PEX2: variants seen among roughly 807,000 people sequenced by gnomAD.
PEX2 encodes the protein peroxisome biogenesis factor 2.
PEX2 carries 19 observed loss-of-function variants against 25.2 expected under a neutral mutation model. That is an observed-to-expected ratio of 0.75 (90% CI 0.53 to 1.10). The LOEUF (loss-of-function observed/expected upper bound fraction) is 1.10, where lower values mean the gene tolerates loss of function less well. Among genes scored for constraint, PEX2 ranks in the 50% least tolerant of loss-of-function variants. The pLI is 0.00. For missense variants in PEX2, 347 were observed against 350.6 expected, an observed-to-expected ratio of 0.99 and a Z score of 0.08; for synonymous variants, 141 against 127.7, an observed-to-expected ratio of 1.10 and a Z score of -0.70.
At chr8:76,994,575 T>C (rs934624638) in intron 1 of PEX2, among the ~76,000 whole-genome samples, 1 of 152,094 alleles carries the variant, frequency 6.6e-6, no homozygotes. Context: ...TTAGGCATAT[T>C]TGTCAATGCA....
At chr8:77,000,134 TG>T (rs1807461728), upstream of PEX2, 13 of 334,020 alleles carry the variant, frequency 3.9e-5, no homozygotes, top group South Asian at 2.7e-4. Flanking sequence ...CGGAAGTGGC[TG>T]AAAAAAAAAA....
Position 76,984,198 on chromosome 8 carries a change from A to T in PEX2, c.-17-3T>A. The T allele has an allele frequency of 1.2e-6, 2 of 1,612,218 alleles. No individual in the cohort carries two copies. Among genetic ancestry groups the T allele is most frequent in the African/African-American group, 2.7e-5 (2 of 75,000 alleles). On this transcript the variant is annotated splice_polypyrimidine_tract_variant and splice_region_variant and intron_variant, in intron 3 of 3. Coordinates refer to ENST00000357039, the MANE Select transcript of PEX2 (RefSeq NM_000318.3). ...AGCCATGTCTTCTCTGAAGGTCTCT[A>T]GGAAAAAATACAATTGAAGAACATT...
At position 76,983,558 on chromosome 8, in the gene PEX2, G is replaced by C. The variant is rs1364915907; in HGVS notation, c.621C>G (p.Leu207=). 6.2e-6 allele frequency: 10 copies of C among 1,613,920 alleles called. No individual in the cohort carries two copies. The Admixed American group carries it at 1.0e-4, about 16-fold the overall frequency. ...ACTTCTGGACATTGATAAGTGGTAAGAGAAAAATCAGAAATTCAGCAAAAC... is the reference window on the plus strand; with the variant it reads ...ACTTCTGGACATTGATAAGTGGTAACAGAAAAATCAGAAATTCAGCAAAAC... ...WHGFAEFLIF[L]LPLINVQKLK... is the part of the protein sequence containing the mutation. The change falls in exon 4 of 4, where the codon CTC becomes CTG. Residue 207 remains leucine, a synonymous_variant. Transcript: ENST00000357039.
chr8:76,996,588 AAAT>A (rs1807340685), intron 1 of PEX2, among the ~76,000 whole-genome samples: 1 of 152,214 alleles, frequency 6.6e-6, no homozygotes, highest in Non-Finnish European at 1.5e-5. Context: ...AATACTCTAT[AAAT>A]AATTTAAAAA....
upstream of PEX2, among the ~76,000 whole-genome samples, chr8:77,000,437 C>G (rs938919430): frequency 1.3e-5 from 2 of 151,824 alleles, no homozygotes; most frequent in South Asian, 2.1e-4. Flanking sequence ...TTGCGGACAT[C>G]GCGAAGGGCC....
At chr8:77,000,829 C>G (rs1807493208), upstream of PEX2, 1 of 152,384 alleles carries the variant, frequency 6.6e-6, no homozygotes, top group South Asian at 2.1e-4. Context: ...TCGCCTACCC[C>G]TGGGGAATCG....
intron 1 of PEX2, among the ~76,000 whole-genome samples, chr8:76,997,558 G>A (rs947349064): frequency 6.6e-6 from 1 of 152,086 alleles, no homozygotes; most frequent in Non-Finnish European, 1.5e-5. Context: ...AACACAGCAA[G>A]ACTCTGTCTC....
intron 1 of PEX2, among the ~76,000 whole-genome samples, chr8:76,995,576 CCTTA>C (rs1218007003): frequency 5.9e-5 from 9 of 151,978 alleles, no homozygotes; most frequent in East Asian, 1.9e-4. Flanking sequence ...CAACTGAGTG[CCTTA>C]CTTATCTCAT....
intron 3 of PEX2, 134 bp from the exon 4 acceptor site, chr8:76,984,329 T>C (rs552134875): frequency 6.0e-6 from 4 of 662,032 alleles, no homozygotes; most frequent in Non-Finnish European, 2.6e-6. Flanking sequence ...TAGTCTCAAA[T>C]AGTACAGCGA....
chr8:76,997,754 TAGA>T (rs1488199404), intron 1 of PEX2, among the ~76,000 whole-genome samples: 1 of 152,172 alleles, frequency 6.6e-6, no homozygotes, highest in Non-Finnish European at 1.5e-5. Flanking sequence ...AGAAGCAACA[TAGA>T]AGAAGGTATT....
At chr8:76,994,643 A>G (rs982162382) in intron 1 of PEX2, among the ~76,000 whole-genome samples, 1 of 152,158 alleles carries the variant, frequency 6.6e-6, no homozygotes, top group Non-Finnish European at 1.5e-5. Context: ...GTCAGCAGAA[A>G]CGTGATTCTC....
At position 76,984,096 on chromosome 8, in the gene PEX2, G is replaced by C. The variant is rs554461069; in HGVS notation, c.83C>G (p.Ala28Gly). 6.2e-7 allele frequency: 1 copy of C among 1,613,338 alleles called. No individual in the cohort carries two copies. The highest frequency in any genetic ancestry group is 2.2e-5 in the East Asian group (1 of 44,868). The change falls in exon 4 of 4, where the codon GCC (alanine) becomes GGC (glycine). Residue 28 changes from alanine to glycine, a missense_variant. Coordinates refer to ENST00000357039, the MANE Select transcript of PEX2 (RefSeq NM_000318.3). ...CTGGGACCAAACTAGCTGCTCCAGGGCCTTGTTTAGTTCAAGTGCATCCAA... is the reference window on the plus strand; with the variant it reads ...CTGGGACCAAACTAGCTGCTCCAGGCCCTTGTTTAGTTCAAGTGCATCCAA... ...SQLDALELNK[A>G]LEQLVWSQFT...
chr8:76,984,828 A>G (rs1018848728), intron 3 of PEX2, among the ~76,000 whole-genome samples: 3 of 152,190 alleles, frequency 2.0e-5, no homozygotes, highest in African/African-American at 7.2e-5. Flanking sequence ...AAATAGTACT[A>G]AATCTTAGTA....
rs751974703 is a variant in PEX2 at position 76,980,288 on chromosome 8, A to G, written c.*2973T>C. 14 of 152,226 alleles carry G rather than the reference A, an allele frequency of 9.2e-5. No individual in the cohort carries two copies. The highest frequency in any genetic ancestry group is 1.5e-4 in the Non-Finnish European group (10 of 68,044). 9.4% of individuals were successfully genotyped at this position (152,226 alleles called of 1,614,324 possible). On this transcript the variant is annotated 3_prime_UTR_variant, in exon 4 of 4. Transcript: ENST00000357039. ...ATAACAATTTTGTTGACTTTATTTA[A>G]TCCTTTCAAATCTGCAATGTTAAAG... is the stretch of plus-strand genomic sequence containing the variant.
At chr8:76,997,378 G>T (rs1807368300) in intron 1 of PEX2, among the ~76,000 whole-genome samples, 2 of 152,200 alleles carry the variant, frequency 1.3e-5, no homozygotes, top group South Asian at 4.1e-4. Flanking sequence ...AGACCAGTCT[G>T]GCCAACATGG....
In PEX2 at chr8:76,982,752, T is replaced by A. The variant is rs965266826; in HGVS notation, c.*509A>T. The A allele has an allele frequency of 6.4e-6, 1 of 157,026 alleles. No homozygotes were observed. Among genetic ancestry groups the A allele is most frequent in the African/African-American group, 2.4e-5 (1 of 40,998 alleles). 9.7% of individuals were successfully genotyped at this position (157,026 alleles called of 1,614,324 possible). A position where few individuals can be genotyped will look rare whatever the true frequency, so the allele number is the denominator to read the frequency against. On this transcript the variant is annotated 3_prime_UTR_variant, in exon 4 of 4. Coordinates refer to ENST00000357039, the MANE Select transcript of PEX2 (RefSeq NM_000318.3). ...TGAACCCGGGAGGCGGACGTTGCAG[T>A]GAGCAGAGATCGCGCCACTGCACTC...
rs1407546255 is a variant in PEX2, at chr8:76,980,370, C to T, written c.*2891G>A. 2 of 152,192 alleles carry T rather than the reference C, an allele frequency of 1.3e-5. No homozygotes were observed. The highest frequency in any genetic ancestry group is 2.4e-5 in the African/African-American group (1 of 41,450). 9.4% of individuals were successfully genotyped at this position (152,192 alleles called of 1,614,324 possible). A position where few individuals can be genotyped will look rare whatever the true frequency, so the allele number is the denominator to read the frequency against. On this transcript the variant is annotated 3_prime_UTR_variant, in exon 4 of 4. Transcript: ENST00000357039. ...AAGCTAGATCACTGGTAAAATGAGA[C>T]TGCAATGTGGACTTTTGAAATGAGT...
intron 1 of PEX2, among the ~76,000 whole-genome samples, chr8:76,993,989 A>C (rs2132057388): frequency 6.6e-6 from 1 of 152,246 alleles, no homozygotes; most frequent in East Asian, 1.9e-4. Context: ...AGACCAGATA[A>C]AAAGTATAGC....
upstream of PEX2, among the ~76,000 whole-genome samples, chr8:77,000,466 G>A (rs914073834): frequency 6.6e-6 from 1 of 152,136 alleles, no homozygotes; most frequent in Non-Finnish European, 1.5e-5. Flanking sequence ...GCGCCGCCGG[G>A]TGGCGGCGAG....
Sources: allele counts gnomAD v4.1 joint callset (sites outside exome capture counted in the v4.1 genomes callset), GRCh38; gene constraint gnomAD v4.1.1; transcripts MANE v1.5; gene names NCBI Gene and HGNC (gene_info 2026-07-23, HGNC 2026-07-21).